Variants in NPR3 observed in about 807,000 individuals in gnomAD.
NPR3 encodes the protein atrial natriuretic peptide receptor 3.
Under a neutral mutation model 54.5 loss-of-function variants are expected in NPR3, and 34 were observed. The observed-to-expected ratio is 0.62, with a 90% CI of 0.47 to 0.83. NPR3 has a LOEUF of 0.83. NPR3 is among the 40% of genes least tolerant of loss of function. NPR3 has a pLI of 0.00. For synonymous variants in NPR3, 289 were observed against 297.1 expected (o/e 0.97, Z 0.28); for missense variants, 674 against 720.8 (o/e 0.94, Z 0.74).
At chr5:32,693,231 A>C (rs1740444232) in intron 1 of NPR3, among the ~76,000 whole-genome samples, 1 of 152,236 alleles carries the variant, frequency 6.6e-6, no homozygotes. Context: ...ATACAAATAA[A>C]TTTGTATATA....
intron 1 of NPR3, among the ~76,000 whole-genome samples, chr5:32,723,160 T>G (rs1287018043): frequency 2.0e-5 from 3 of 152,240 alleles, no homozygotes; most frequent in Non-Finnish European, 4.4e-5. Flanking sequence ...CTTGGAGGGC[T>G]GGCATGCATC....
chr5:32,691,319 A>G (rs930775925), intron 1 of NPR3, among the ~76,000 whole-genome samples: 3 of 152,192 alleles, frequency 2.0e-5, no homozygotes, highest in African/African-American at 7.2e-5. Context: ...ACTATGCATC[A>G]ATTTCTTCTA....
rs574124062 is a variant in NPR3 at position 32,735,213 on chromosome 5, A to G, written c.893-3651A>G. Among the ~76,000 whole-genome samples the G allele has an allele frequency of 3.3e-4, 50 of 152,124 alleles. No individual in the cohort carries two copies. In the South Asian group the frequency reaches 0.01, roughly 31 times the overall value. On this transcript the variant is annotated intron_variant, in intron 2 of 7. Transcript: ENST00000265074. ...GTCGCCTTGGATTTACCATACCCCT[A>G]ACTGAAATAATCATTTCCATGTCCT...
chr5:32,757,628 C>G (rs1740917280), intron 3 of NPR3, among the ~76,000 whole-genome samples: 1 of 152,166 alleles, frequency 6.6e-6, no homozygotes, highest in African/African-American at 2.4e-5. Context: ...CCAGGACTTC[C>G]AACACTACGT....
chr5:32,787,216 C>CT lies in NPR3; in HGVS notation c.*876dup, dbSNP rs1377010121. 6.6e-6 allele frequency: 1 copy of CT among 152,528 alleles called. No individual in the cohort carries two copies. The highest frequency in any genetic ancestry group is 1.5e-5 in the Non-Finnish European group (1 of 68,030). The allele number at this position is 152,528 out of a possible 1,614,324, so 9.4% of individuals were successfully genotyped here. On this transcript the variant is annotated 3_prime_UTR_variant, in exon 8 of 8. Coordinates refer to ENST00000265074, the MANE Select transcript of NPR3 (RefSeq NM_001204375.2). ...TACTTCTCTTTTTCTCCCTGTTTCC[C>CT]TTTTTCCCTTGGCCACAGCCAAATG... is the stretch of plus-strand genomic sequence containing the variant.
intron 1 of NPR3, among the ~76,000 whole-genome samples, chr5:32,704,322 T>G (rs953454226): frequency 2.6e-5 from 4 of 152,090 alleles, no homozygotes; most frequent in Non-Finnish European, 5.9e-5. Flanking sequence ...CCAGGTACTG[T>G]GATTTATCAT....
chr5:32,763,637 T>C (rs529837183), intron 3 of NPR3, among the ~76,000 whole-genome samples: 1 of 152,176 alleles, frequency 6.6e-6, no homozygotes, highest in Non-Finnish European at 1.5e-5. Context: ...TTTTGAAAAG[T>C]CTCTAAACAT....
intron 2 of NPR3, among the ~76,000 whole-genome samples, chr5:32,738,142 T>A (rs1739845501): frequency 6.6e-6 from 1 of 152,184 alleles, no homozygotes. Context: ...ACTAACTTTC[T>A]TTTTTTAAAT....
chr5:32,701,877 C>T (rs182883899), intron 1 of NPR3, among the ~76,000 whole-genome samples: 7 of 152,210 alleles, frequency 4.6e-5, no homozygotes, highest in South Asian at 2.1e-4. Context: ...GCCAAACAAA[C>T]GGAGTCTCTC....
chr5:32,785,299 A>G (rs1416798907), intron 7 of NPR3, among the ~76,000 whole-genome samples: 1 of 151,808 alleles, frequency 6.6e-6, no homozygotes, highest in Non-Finnish European at 1.5e-5. Context: ...ACAGGTGCAG[A>G]CCACCATGGC....
intron 4 of NPR3, among the ~76,000 whole-genome samples, chr5:32,776,491 T>C (rs1742055541): frequency 6.6e-6 from 1 of 152,186 alleles, no homozygotes. Flanking sequence ...CATTAGAAAT[T>C]GCCAAAAACT....
chr5:32,731,501 T>C (rs1035639378), intron 2 of NPR3, among the ~76,000 whole-genome samples: 1 of 152,206 alleles, frequency 6.6e-6, no homozygotes, highest in African/African-American at 2.4e-5. Context: ...ATACTTATCT[T>C]ATGGCATCAG....
At position 32,711,766 on chromosome 5, in the gene NPR3, C is replaced by G; in HGVS notation, c.-11C>G. On this transcript the variant is annotated 5_prime_UTR_variant, in exon 1 of 8. Transcript: ENST00000265074. ...CGGCGGCGGCGAGGGCAAGCTCTTTCTTGCGGCACGATGCCGTCTCTGCTG... is the reference window on the plus strand; with the variant it reads ...CGGCGGCGGCGAGGGCAAGCTCTTTGTTGCGGCACGATGCCGTCTCTGCTG... The G allele has an allele frequency of 1.4e-6, 2 of 1,417,150 alleles. No homozygotes were observed. The highest frequency in any genetic ancestry group is 1.6e-5 in the South Asian group (1 of 62,032). The allele number at this position is 1,417,150 out of a possible 1,614,324, so 87.8% of individuals were successfully genotyped here. A position where few individuals can be genotyped will look rare whatever the true frequency, so the allele number is the denominator to read the frequency against.
chr5:32,730,208 A>G (rs75276871), intron 2 of NPR3, among the ~76,000 whole-genome samples: 1 of 152,042 alleles, frequency 6.6e-6, no homozygotes, highest in Non-Finnish European at 1.5e-5. Flanking sequence ...TAAAAAAAAA[A>G]GGTCACATGA....
chr5:32,699,741 TATA>T (rs1740622258), intron 1 of NPR3, among the ~76,000 whole-genome samples: 2 of 152,222 alleles, frequency 1.3e-5, no homozygotes, highest in African/African-American at 4.8e-5. Context: ...ATTACAATGT[TATA>T]ATATTCTGTG....
rs189154954 is a variant in NPR3, at chr5:32,764,934, A to T, written c.1060-9774A>T. Among the ~76,000 whole-genome samples the T allele has an allele frequency of 1.1e-3, 167 of 152,274 alleles. 1 individual carries two copies. The highest frequency in any genetic ancestry group is 1.5e-3 in the Non-Finnish European group (105 of 68,014). ...AATAATTCTACTAATCACACCAAAA[A>T]GTTGCCAATGATTCCTTAATTTTAC... On this transcript the variant is annotated intron_variant, in intron 3 of 7. Coordinates refer to ENST00000265074, the MANE Select transcript of NPR3 (RefSeq NM_001204375.2).
intron 1 of NPR3, among the ~76,000 whole-genome samples, chr5:32,697,388 T>C (rs890568620): frequency 6.6e-6 from 1 of 152,130 alleles, no homozygotes; most frequent in Non-Finnish European, 1.5e-5. Flanking sequence ...TTGCTATTCT[T>C]ATATTGAGGA....
upstream of NPR3, chr5:32,710,912 G>GTGTT: frequency 3.4e-6 from 3 of 885,378 alleles, no homozygotes; most frequent in Non-Finnish European, 4.6e-6. Context: ...GTGTGTGTGT[G>GTGTT]TGTGTATGTG....
chr5:32,750,839 T>C (rs1740538313), intron 3 of NPR3, among the ~76,000 whole-genome samples: 1 of 152,236 alleles, frequency 6.6e-6, no homozygotes, highest in Admixed American at 6.5e-5. Flanking sequence ...ACTTCTGTGG[T>C]TCTTTAAAAG....
Sources: gnomAD v4.1 joint callset for allele counts (sites outside exome capture counted in the v4.1 genomes callset) on GRCh38, gnomAD v4.1.1 for gene constraint, MANE v1.5 for transcripts, NCBI Gene and HGNC (gene_info 2026-07-23, HGNC 2026-07-21) for gene names.